Variants in SYT1 observed in about 807,000 individuals in gnomAD.
SYT1 encodes the protein synaptotagmin-1.
Under a neutral mutation model 44.8 loss-of-function variants are expected in SYT1, and 8 were observed. The observed-to-expected ratio is 0.18, with a 90% CI of 0.10 to 0.32. The LOEUF (loss-of-function observed/expected upper bound fraction) is 0.32. SYT1 is among the 10% of genes least tolerant of loss of function. SYT1 has a pLI of 1.00. For missense variants in SYT1, 286 were observed against 509.3 expected (o/e 0.56, Z 4.22); for synonymous variants, 154 against 188.8 (o/e 0.82, Z 1.51).
At chr12:78,947,512 T>A (rs1878727143) in intron 1 of SYT1, among the ~76,000 whole-genome samples, 1 of 111,664 alleles carries the variant, frequency 9.0e-6, no homozygotes, top group African/African-American at 4.1e-5. Flanking sequence ...TGACAAAAGG[T>A]TGAATCTAGT....
intron 4 of SYT1, among the ~76,000 whole-genome samples, chr12:79,254,804 T>C (rs1245832): frequency 6.6e-6 from 1 of 152,072 alleles, no homozygotes; most frequent in South Asian, 2.1e-4. Context: ...AGTGGAGAAG[T>C]TAAATGCAGA....
At chr12:79,200,675 C>G (rs540128169) in intron 3 of SYT1, among the ~76,000 whole-genome samples, 11 of 152,288 alleles carry the variant, frequency 7.2e-5, no homozygotes, top group African/African-American at 2.6e-4. Context: ...GTAATACTCT[C>G]TCAGTCAACA....
intron 3 of SYT1, among the ~76,000 whole-genome samples, chr12:79,064,965 AAAG>A (rs1416041532): frequency 2.0e-5 from 3 of 150,700 alleles, no homozygotes; most frequent in East Asian, 3.9e-4. Flanking sequence ...AGAAAGAAAG[AAAG>A]AAAGAAAGAA....
chr12:78,937,473 C>T (rs937143807), intron 1 of SYT1, among the ~76,000 whole-genome samples: 23 of 151,746 alleles, frequency 1.5e-4, no homozygotes, highest in Non-Finnish European at 8.8e-5. Context: ...ATCATTGAAA[C>T]ACAATTATTA....
At chr12:79,152,429 C>T (rs1870329120) in intron 3 of SYT1, among the ~76,000 whole-genome samples, 1 of 151,978 alleles carries the variant, frequency 6.6e-6, no homozygotes, top group Non-Finnish European at 1.5e-5. Context: ...TCGTTTTGCA[C>T]TTTGTATAGG....
chr12:79,362,303 T>C (rs921750203), intron 9 of SYT1, among the ~76,000 whole-genome samples: 2 of 152,130 alleles, frequency 1.3e-5, no homozygotes, highest in Non-Finnish European at 2.9e-5. Flanking sequence ...TAAAAAATAA[T>C]ACACTAAAAG....
intron 3 of SYT1, among the ~76,000 whole-genome samples, chr12:79,117,778 C>A (rs1226332954): frequency 7.0e-6 from 1 of 142,108 alleles, no homozygotes; most frequent in Non-Finnish European, 1.5e-5. Flanking sequence ...AGAGCTAGGT[C>A]ATATTATTTA....
chr12:79,047,711 GT>G (rs1418138571), intron 3 of SYT1, among the ~76,000 whole-genome samples: 1 of 151,732 alleles, frequency 6.6e-6, no homozygotes, highest in Admixed American at 6.6e-5. Flanking sequence ...GTGATAAAAA[GT>G]TTTTACTTAT....
At chr12:79,232,304 A>C (rs1875916954) in intron 4 of SYT1, among the ~76,000 whole-genome samples, 3 of 152,190 alleles carry the variant, frequency 2.0e-5, no homozygotes, top group African/African-American at 7.2e-5. Context: ...ACAACTCAGA[A>C]CTTTTCTGCG....
intron 9 of SYT1, among the ~76,000 whole-genome samples, chr12:79,404,378 C>G (rs1370947153): frequency 6.6e-6 from 1 of 152,140 alleles, no homozygotes; most frequent in African/African-American, 2.4e-5. Flanking sequence ...TCCCAAAACA[C>G]CTTCCACACC....
At chr12:79,006,727 G>A (rs112479762) in intron 2 of SYT1, among the ~76,000 whole-genome samples, 67 of 152,240 alleles carry the variant, frequency 4.4e-4, no homozygotes, top group Middle Eastern at 3.4e-3. Flanking sequence ...AGAGCTTTGC[G>A]TAGTAAGTCT....
intron 3 of SYT1, among the ~76,000 whole-genome samples, chr12:79,110,990 A>G (rs1420373223): frequency 1.3e-5 from 2 of 152,132 alleles, no homozygotes; most frequent in Non-Finnish European, 2.9e-5. Context: ...GTCGAACTCA[A>G]CAAGCAGTGT....
chr12:78,964,587 C>T (rs958088253), intron 1 of SYT1, among the ~76,000 whole-genome samples: 1 of 151,868 alleles, frequency 6.6e-6, no homozygotes, highest in Non-Finnish European at 1.5e-5. Flanking sequence ...GAATATGCTG[C>T]ATATGGCATA....
At chr12:79,079,814 A>C (rs1002055132) in intron 3 of SYT1, among the ~76,000 whole-genome samples, 7 of 152,138 alleles carry the variant, frequency 4.6e-5, no homozygotes, top group Admixed American at 1.3e-4. Context: ...TTTAGATCTT[A>C]AAGTTGTAGT....
intron 1 of SYT1, among the ~76,000 whole-genome samples, chr12:78,933,291 G>A (rs1255204233): frequency 6.6e-6 from 1 of 152,080 alleles, no homozygotes; most frequent in African/African-American, 2.4e-5. Context: ...AATGAATTTG[G>A]CTGAGTTATA....
chr12:78,981,043 T>C (rs1429682313), intron 2 of SYT1, among the ~76,000 whole-genome samples: 1 of 151,852 alleles, frequency 6.6e-6, no homozygotes, highest in Non-Finnish European at 1.5e-5. Flanking sequence ...TCATAAATGG[T>C]AGGCTTATAA....
At chr12:78,919,258 G>C (rs1391838242) in intron 1 of SYT1, among the ~76,000 whole-genome samples, 1 of 151,960 alleles carries the variant, frequency 6.6e-6, no homozygotes, top group Non-Finnish European at 1.5e-5. Flanking sequence ...TACCTCTGGG[G>C]ACCTTGAGCA....
At chr12:79,350,402 G>C (rs531625290) in intron 8 of SYT1, among the ~76,000 whole-genome samples, 1 of 151,788 alleles carries the variant, frequency 6.6e-6, no homozygotes, top group Non-Finnish European at 1.5e-5. Flanking sequence ...ACAGGCGCCC[G>C]CCACCATGCC....
At chr12:79,194,924 CT>C (rs1261915049) in intron 3 of SYT1, among the ~76,000 whole-genome samples, 2 of 152,164 alleles carry the variant, frequency 1.3e-5, no homozygotes, top group African/African-American at 4.8e-5. Flanking sequence ...CCTGCGTAGA[CT>C]TAATACCAGT....
Sources: gnomAD v4.1 joint callset for allele counts (sites outside exome capture counted in the v4.1 genomes callset) on GRCh38, gnomAD v4.1.1 for gene constraint, MANE v1.5 for transcripts, NCBI Gene and HGNC (gene_info 2026-07-23, HGNC 2026-07-21) for gene names.